Variants in DHCR24 observed in about 807,000 individuals in gnomAD.
The protein encoded by DHCR24 is delta(24)-sterol reductase.
In DHCR24, 28 loss-of-function variants were observed where a neutral mutation model predicts 61.2. The observed-to-expected ratio is 0.46, with a 90% CI of 0.34 to 0.63. The LOEUF (loss-of-function observed/expected upper bound fraction) is 0.63, where lower values mean the gene tolerates loss of function less well. Among genes scored for constraint, DHCR24 ranks in the 20% least tolerant of loss-of-function variants. DHCR24 has a pLI of 0.01. For missense variants in DHCR24, 538 were observed against 679.1 expected, an observed-to-expected ratio of 0.79 and a Z score of 2.31; for synonymous variants, 261 against 275.9, an observed-to-expected ratio of 0.95 and a Z score of 0.54.
intron 6 of DHCR24, among the ~76,000 whole-genome samples, 189 bp downstream of exon 6, chr1:54,865,114 G>C (rs1002130611): frequency 2.0e-5 from 3 of 152,190 alleles, no homozygotes; most frequent in African/African-American, 7.2e-5. Context: ...AGAGCCTGCT[G>C]CTTGAACTGA....
chr1:54,886,296 T>C (rs947421914), intron 1 of DHCR24, among the ~76,000 whole-genome samples: 2 of 152,212 alleles, frequency 1.3e-5, no homozygotes, highest in Non-Finnish European at 2.9e-5. Context: ...TGTGAGGTTC[T>C]TCCCTCCCGC....
chr1:54,871,740 G>C, intron 4 of DHCR24, 127 bp from the exon 5 acceptor site: 1 of 1,335,514 alleles, frequency 7.5e-7, no homozygotes, highest in Non-Finnish European at 1.0e-6. Context: ...CCCAAACAAT[G>C]AGCTTTACAA....
chr1:54,885,339 G>C (rs903770670), intron 1 of DHCR24, among the ~76,000 whole-genome samples: 5 of 152,158 alleles, frequency 3.3e-5, no homozygotes, highest in African/African-American at 1.2e-4. Context: ...CTGCACTGAA[G>C]CTGGAGGCCA....
chr1:54,868,330 C>T (rs951382660), intron 5 of DHCR24, among the ~76,000 whole-genome samples: 6 of 151,810 alleles, frequency 4.0e-5, no homozygotes, highest in Admixed American at 2.0e-4. Context: ...ATTAGCCGGG[C>T]GTGGTGGTGG....
At chr1:54,871,714 C>T in intron 4 of DHCR24, 101 bp from the exon 5 acceptor site, 1 of 1,504,930 alleles carries the variant, frequency 6.6e-7, no homozygotes, top group East Asian at 2.3e-5. Flanking sequence ...CCTATTCTCT[C>T]ACTCTCTTGT....
At chr1:54,880,714 G>A (rs1367072926) in intron 2 of DHCR24, among the ~76,000 whole-genome samples, 2 of 152,026 alleles carry the variant, frequency 1.3e-5, no homozygotes, top group Non-Finnish European at 2.9e-5. Flanking sequence ...GCCGAGAACT[G>A]AGATAGCACC....
intron 1 of DHCR24, chr1:54,886,582 T>G: frequency 7.1e-7 from 1 of 1,408,784 alleles, no homozygotes; most frequent in Non-Finnish European, 9.4e-7. Flanking sequence ...CGGAAGCCTT[T>G]CCTTCTCTGA....
In DHCR24 at chr1:54,883,792, G is replaced by C. The variant is rs200713260; in HGVS notation, c.232-19C>G. On this transcript the variant is annotated intron_variant, in intron 1 of 8. Transcript: ENST00000371269. The surrounding 1 kb of genome is among the most constrained non-coding windows in gnomAD (Gnocchi z 4.3). The stretch of plus-strand genomic sequence containing the variant: ...CCCGCACCTGCAACCACAGGACAGA[G>C]GGTGAGCTGGCCCCACTGGGAATCC... The C allele has an allele frequency of 1.2e-6, 2 of 1,613,668 alleles. No homozygotes were observed. Among genetic ancestry groups the C allele is most frequent in the Non-Finnish European group, 1.7e-6 (2 of 1,179,960 alleles).
At position 54,875,297 on chromosome 1, in the gene DHCR24, T is replaced by C. The variant is rs551064905; in HGVS notation, c.494-86A>G. The C allele has an allele frequency of 2.5e-6, 3 of 1,177,018 alleles. No homozygotes were observed. In the South Asian group the frequency reaches 3.6e-5, roughly 14 times the overall value. 72.9% of individuals were successfully genotyped at this position (1,177,018 alleles called of 1,614,324 possible). A position where few individuals can be genotyped will look rare whatever the true frequency, so the allele number is the denominator to read the frequency against. On this transcript the variant is annotated intron_variant, in intron 3 of 8. Coordinates refer to ENST00000371269, the MANE Select transcript of DHCR24 (RefSeq NM_014762.4). ...GTTGGAGCTGGGGGGCCTCCTAGCA[T>C]GAGGGAGGTTTGGCAGGCTAGCAGA...
At chr1:54,865,689 G>A (rs1646964453) in intron 5 of DHCR24, among the ~76,000 whole-genome samples, 1 of 152,136 alleles carries the variant, frequency 6.6e-6, no homozygotes, top group African/African-American at 2.4e-5. Flanking sequence ...GTGAGTCCCC[G>A]ACAGTCTAGA....
In DHCR24 at chr1:54,853,958, G is replaced by A. The variant is rs760723610; in HGVS notation, c.1218+79C>T. 5.7e-6 allele frequency: 8 copies of A among 1,415,730 alleles called. No homozygotes were observed. The East Asian group carries it at 7.4e-5, about 13-fold the overall frequency. 87.7% of individuals were successfully genotyped at this position (1,415,730 alleles called of 1,614,324 possible). ...CCCAGAGGGCAGTGTGCCCAAGGTC[G>A]GTCACACGGTTCAGGGGAGGAGACC... On this transcript the variant is annotated intron_variant, in intron 7 of 8. Transcript: ENST00000371269.
Position 54,852,141 on chromosome 1 carries a change from T to C in DHCR24, c.*92A>G. The stretch of plus-strand genomic sequence containing the variant: ...TGGGAGTTCTGGAGGGGTTTCTCTT[T>C]GAAAGTGTGGATCTAGGAAAGCAGC... On this transcript the variant is annotated 3_prime_UTR_variant, in exon 9 of 9. Transcript: ENST00000371269. 2.0e-5 allele frequency: 30 copies of C among 1,532,010 alleles called. No homozygotes were observed. The highest frequency in any genetic ancestry group is 2.6e-5 in the Non-Finnish European group (29 of 1,119,770). 94.9% of individuals were successfully genotyped at this position (1,532,010 alleles called of 1,614,324 possible). A position where few individuals can be genotyped will look rare whatever the true frequency, so the allele number is the denominator to read the frequency against.
intron 5 of DHCR24, among the ~76,000 whole-genome samples, chr1:54,870,671 C>T (rs1039276774): frequency 3.3e-5 from 5 of 152,006 alleles, no homozygotes; most frequent in African/African-American, 1.2e-4. Context: ...GTTTTTTGGC[C>T]CCTGAACGCT....
At chr1:54,853,309 G>A (rs1646888025) in intron 8 of DHCR24, 125 bp downstream of exon 8, 3 of 1,234,656 alleles carry the variant, frequency 2.4e-6, no homozygotes, top group South Asian at 2.6e-5. Flanking sequence ...ACAGCTGCAG[G>A]GGCCCTAAGG....
chr1:54,857,740 A>T (rs1302914573), intron 6 of DHCR24, among the ~76,000 whole-genome samples: 3 of 152,246 alleles, frequency 2.0e-5, no homozygotes, highest in African/African-American at 7.2e-5. Flanking sequence ...CCATGGAGAA[A>T]GAAAAAAGCT....
chr1:54,865,768 A>T (rs1343412881), intron 5 of DHCR24, among the ~76,000 whole-genome samples: 1 of 152,164 alleles, frequency 6.6e-6, no homozygotes, highest in African/African-American at 2.4e-5. Context: ...GCCCTGATGC[A>T]GTGCCCCATG....
intron 6 of DHCR24, 21 bp downstream of exon 6, chr1:54,865,282 C>T (rs1369006377): frequency 6.2e-7 from 1 of 1,608,648 alleles, no homozygotes; most frequent in African/African-American, 1.3e-5. Flanking sequence ...GGAGCCAGGG[C>T]TACAGAAACC....
chr1:54,861,011 A>G (rs1327881530), intron 6 of DHCR24, among the ~76,000 whole-genome samples: 1 of 131,638 alleles, frequency 7.6e-6, no homozygotes, highest in Admixed American at 7.6e-5. Context: ...AAAAAAAAAA[A>G]CTTTTGGTAA....
chr1:54,860,542 C>T (rs1481799623), intron 6 of DHCR24, among the ~76,000 whole-genome samples: 1 of 152,314 alleles, frequency 6.6e-6, no homozygotes. Context: ...TGCCCAGAAA[C>T]CAACCTCAGA....
Sources: gnomAD v4.1 joint callset for allele counts (sites outside exome capture counted in the v4.1 genomes callset) on GRCh38, gnomAD v4.1.1 for gene constraint, Gnocchi (gnomAD v3.1) non-coding constraint, MANE v1.5 for transcripts, NCBI Gene and HGNC (gene_info 2026-07-23, HGNC 2026-07-21) for gene names.